Variants in RHOJ observed in about 807,000 individuals in gnomAD.
RHOJ encodes the protein ras homolog family member J.
RHOJ carries 11 observed loss-of-function variants against 23.4 expected under a neutral mutation model. The observed-to-expected ratio is 0.47, with a 90% CI of 0.30 to 0.78. The LOEUF is 0.78. Among genes scored for constraint, RHOJ ranks in the 30% least tolerant of loss-of-function variants. The pLI, the probability that RHOJ is intolerant of heterozygous loss-of-function variation, is 0.08. For missense variants in RHOJ, 254 were observed against 273.4 expected, an observed-to-expected ratio of 0.93 and a Z score of 0.50; for synonymous variants, 102 against 102.7, an observed-to-expected ratio of 0.99 and a Z score of 0.04.
chr14:63,233,261 T>G (rs1173623935), intron 1 of RHOJ, among the ~76,000 whole-genome samples: 1 of 152,164 alleles, frequency 6.6e-6, no homozygotes, highest in Non-Finnish European at 1.5e-5. Flanking sequence ...AGTATATTAG[T>G]AGTTTTCAGG....
At chr14:63,286,908 A>C (rs1045297880) in intron 4 of RHOJ, among the ~76,000 whole-genome samples, 1 of 152,190 alleles carries the variant, frequency 6.6e-6, no homozygotes, top group African/African-American at 2.4e-5. Context: ...ACTTGTTGAG[A>C]TGGCGGCTTT....
chr14:63,236,784 C>CACAT (rs1894798025), intron 1 of RHOJ, among the ~76,000 whole-genome samples: 1 of 151,772 alleles, frequency 6.6e-6, no homozygotes, highest in South Asian at 2.1e-4. Context: ...CACACACACA[C>CACAT]ACACAGAGTT....
chr14:63,245,869 G>A (rs1894967908), intron 1 of RHOJ, among the ~76,000 whole-genome samples: 1 of 152,132 alleles, frequency 6.6e-6, no homozygotes, highest in East Asian at 1.9e-4. Flanking sequence ...CAGAAGAAGG[G>A]GGTGATTAGA....
At chr14:63,211,465 T>TA (rs1195378471) in intron 1 of RHOJ, among the ~76,000 whole-genome samples, 1 of 151,738 alleles carries the variant, frequency 6.6e-6, no homozygotes, top group Non-Finnish European at 1.5e-5. Flanking sequence ...ACTTCATCTC[T>TA]AAAAAAAAAT....
intron 1 of RHOJ, among the ~76,000 whole-genome samples, chr14:63,214,773 C>A (rs1441447128): frequency 6.6e-6 from 1 of 152,056 alleles, no homozygotes; most frequent in Non-Finnish European, 1.5e-5. Context: ...CTTACTTACC[C>A]AAGGGCAGCC....
At chr14:63,226,212 G>T (rs1335239550) in intron 1 of RHOJ, among the ~76,000 whole-genome samples, 2 of 151,986 alleles carry the variant, frequency 1.3e-5, no homozygotes, top group Non-Finnish European at 2.9e-5. Flanking sequence ...CCATATGATA[G>T]GTAAATATTG....
At chr14:63,231,253 A>G (rs1046798451) in intron 1 of RHOJ, among the ~76,000 whole-genome samples, 2 of 152,176 alleles carry the variant, frequency 1.3e-5, no homozygotes, top group Admixed American at 1.3e-4. Context: ...ATTTGTATCC[A>G]TCCCTACCTT....
chr14:63,289,107 A>G (rs1882170932), intron 4 of RHOJ, among the ~76,000 whole-genome samples: 1 of 152,206 alleles, frequency 6.6e-6, no homozygotes, highest in South Asian at 2.1e-4. Context: ...CCACAAGTTC[A>G]CTTAGTCCAC....
chr14:63,211,152 G>A (rs1477376531), intron 1 of RHOJ, among the ~76,000 whole-genome samples: 1 of 152,078 alleles, frequency 6.6e-6, no homozygotes, highest in Non-Finnish European at 1.5e-5. Context: ...TAACCTTAAT[G>A]GCCAGAGCAG....
Position 63,290,961 on chromosome 14 carries a change from T to C in RHOJ, c.582T>C (p.Ile194=). ...KAVFDEAILT[I]FHPKKKKKRC... is the part of the protein sequence containing the mutation. ...TTTTTGATGAAGCAATCCTCACCAT[T>C]TTCCACCCCAAGAAAAAGAAGAAAC... Residue 194 remains isoleucine, a synonymous_variant, in exon 5 of 5, where the codon ATT becomes ATC. Coordinates refer to ENST00000316754, the MANE Select transcript of RHOJ (RefSeq NM_020663.5). The C allele has an allele frequency of 4.3e-6, 7 of 1,614,126 alleles. No individual in the cohort carries two copies. Among genetic ancestry groups the C allele is most frequent in the Non-Finnish European group, 5.9e-6 (7 of 1,180,006 alleles).
chr14:63,277,962 C>T (rs1180889338), intron 2 of RHOJ, among the ~76,000 whole-genome samples: 2 of 140,376 alleles, frequency 1.4e-5, no homozygotes, highest in East Asian at 4.4e-4. Context: ...TCACCAGCTA[C>T]ACAAACACAC....
intron 1 of RHOJ, among the ~76,000 whole-genome samples, chr14:63,222,676 G>GT (rs1894520198): frequency 6.6e-6 from 1 of 152,152 alleles, no homozygotes; most frequent in African/African-American, 2.4e-5. Context: ...GGGGTTGTTT[G>GT]TTTTTTTCCT....
intron 4 of RHOJ, among the ~76,000 whole-genome samples, chr14:63,286,642 G>C (rs1344299685): frequency 6.6e-6 from 1 of 152,164 alleles, no homozygotes; most frequent in African/African-American, 2.4e-5. Context: ...GCCTCTAAAA[G>C]AAATTCAGAA....
intron 1 of RHOJ, among the ~76,000 whole-genome samples, chr14:63,213,059 T>G (rs1416396168): frequency 1.3e-5 from 2 of 152,234 alleles, no homozygotes; most frequent in African/African-American, 2.4e-5. Flanking sequence ...TACTACTATG[T>G]AAGCTAAGAT....
At chr14:63,205,585 G>T (rs1566599983) in intron 1 of RHOJ, among the ~76,000 whole-genome samples, 2 of 152,190 alleles carry the variant, frequency 1.3e-5, no homozygotes, top group African/African-American at 4.8e-5. Flanking sequence ...TAGATTGGGG[G>T]AGAGTTTTTA....
In RHOJ at chr14:63,269,105, C is replaced by T. The variant is rs1394693404; in HGVS notation, c.179-5C>T. Reference sequence around the variant, plus strand: ...CCTCTTCTTTTCTTTTCTCTTCTCCCCTAGTTACTGTGACTGTGGGAGGCA... The same window carrying T: ...CCTCTTCTTTTCTTTTCTCTTCTCCTCTAGTTACTGTGACTGTGGGAGGCA... On this transcript the variant is annotated splice_region_variant and splice_polypyrimidine_tract_variant and intron_variant, in intron 1 of 4. Coordinates refer to ENST00000316754, the MANE Select transcript of RHOJ (RefSeq NM_020663.5). 1 of 1,609,024 alleles carries T rather than the reference C, an allele frequency of 6.2e-7. No homozygotes were observed. The highest frequency in any genetic ancestry group is 8.5e-7 in the Non-Finnish European group (1 of 1,175,784).
chr14:63,233,492 A>G (rs1460026358), intron 1 of RHOJ, among the ~76,000 whole-genome samples: 1 of 152,270 alleles, frequency 6.6e-6, no homozygotes, highest in East Asian at 1.9e-4. Flanking sequence ...AAGTAAAGAC[A>G]GTAATATGAT....
At chr14:63,236,730 T>A (rs1300757911) in intron 1 of RHOJ, among the ~76,000 whole-genome samples, 1 of 145,172 alleles carries the variant, frequency 6.9e-6, no homozygotes, top group Non-Finnish European at 1.5e-5. Flanking sequence ...AATTCTCTCT[T>A]CATGGGAAGA....
At chr14:63,222,251 T>C (rs1222601565) in intron 1 of RHOJ, among the ~76,000 whole-genome samples, 4 of 152,042 alleles carry the variant, frequency 2.6e-5, no homozygotes, top group Admixed American at 1.3e-4. Context: ...TGGTTCCAAG[T>C]CTTTGCTATT....
Sources: gnomAD v4.1 joint callset for allele counts (sites outside exome capture counted in the v4.1 genomes callset) on GRCh38, gnomAD v4.1.1 for gene constraint, MANE v1.5 for transcripts, NCBI Gene and HGNC (gene_info 2026-07-23, HGNC 2026-07-21) for gene names.